TM2D1: variants seen among roughly 807,000 people sequenced by gnomAD.
The protein encoded by TM2D1 is TM2 domain containing 1.
In TM2D1, 15 loss-of-function variants were observed where a neutral mutation model predicts 28.4. The observed-to-expected ratio is 0.53, with a 90% CI of 0.35 to 0.81. The LOEUF is 0.81. TM2D1 is among the 40% of genes least tolerant of loss of function. TM2D1 has a pLI of 0.01. For synonymous variants in TM2D1, 93 were observed against 96.2 expected (o/e 0.97, Z 0.20); for missense variants, 236 against 254.9 (o/e 0.93, Z 0.50).
At chr1:61,701,310 C>CAAAAAAAAAAAAAAA (rs10587870) in intron 3 of TM2D1, among the ~76,000 whole-genome samples, 21 of 84,040 alleles carry the variant, frequency 2.5e-4, no homozygotes, top group East Asian at 4.2e-4. Context: ...TAAATGTTAA[C>CAAAAAAAAAAAAAAA]AAAAAAAAAA....
chr1:61,718,042 G>A (rs1028197088), intron 2 of TM2D1, among the ~76,000 whole-genome samples: 1 of 152,070 alleles, frequency 6.6e-6, no homozygotes, highest in South Asian at 2.1e-4. Context: ...AAAACGCCAG[G>A]TGTGGTGGCT....
rs79238013 is a variant in TM2D1 at position 61,717,587 on chromosome 1, T to C, written c.238+6126A>G. On this transcript the variant is annotated intron_variant, in intron 2 of 6. Coordinates refer to ENST00000606498, the MANE Select transcript of TM2D1 (RefSeq NM_032027.3). ...GGTTTTTTTTGTTTGACTGGTTTCT[T>C]TTTAGAGACAGGGTTTCACTCCGTT... 3.9e-3 allele frequency among the ~76,000 whole-genome samples: 596 copies of C among 152,128 alleles called. 2 individuals are homozygous for C. Among genetic ancestry groups the C allele is most frequent in the African/African-American group, 0.014 (568 of 41,504 alleles).
intron 3 of TM2D1, among the ~76,000 whole-genome samples, chr1:61,709,119 C>T (rs1327381261): frequency 6.6e-6 from 1 of 152,072 alleles, no homozygotes; most frequent in African/African-American, 2.4e-5. Context: ...GAGCCGTGAT[C>T]ATGCCACTGC....
At chr1:61,699,272 A>G (rs1644385719) in intron 4 of TM2D1, 1 of 152,208 alleles carries the variant, frequency 6.6e-6, no homozygotes, top group Non-Finnish European at 1.5e-5. Flanking sequence ...CCTTGAGCCC[A>G]GGAGGTCGAG....
rs930986492 is a variant in TM2D1 at position 61,713,832 on chromosome 1, GT to G, written c.239-4396del. On this transcript the variant is annotated intron_variant, in intron 2 of 6. Coordinates refer to ENST00000606498, the MANE Select transcript of TM2D1 (RefSeq NM_032027.3). ...ATACCTTGCCTAACAGAAATGCACT[GT>G]TTTTTTGAGATGACAGGTTTCTGTA... 9.0e-5 allele frequency among the ~76,000 whole-genome samples: 13 copies of G among 144,288 alleles called. No homozygotes were observed. In the East Asian group the frequency reaches 1.8e-3, roughly 20 times the overall value. 94.7% of individuals were successfully genotyped at this position (144,288 alleles called of 152,430 possible).
chr1:61,709,651 A>T (rs1644463621), intron 2 of TM2D1, among the ~76,000 whole-genome samples: 1 of 152,210 alleles, frequency 6.6e-6, no homozygotes, highest in Admixed American at 6.6e-5. Context: ...CAAAAATATA[A>T]GAGTTGCCAC....
intron 4 of TM2D1, chr1:61,699,254 G>A (rs1004735988): frequency 6.6e-6 from 1 of 152,068 alleles, no homozygotes; most frequent in Non-Finnish European, 1.5e-5. Flanking sequence ...AGCTGAGGAC[G>A]GAGCATACCT....
At chr1:61,710,993 T>A (rs1644474433) in intron 2 of TM2D1, among the ~76,000 whole-genome samples, 1 of 152,196 alleles carries the variant, frequency 6.6e-6, no homozygotes, top group African/African-American at 2.4e-5. Context: ...GTGGTGTTTA[T>A]AATAAAACGC....
intron 5 of TM2D1, among the ~76,000 whole-genome samples, chr1:61,691,830 G>A (rs139303816): frequency 0.033 from 4,894 of 149,302 alleles, 123 homozygotes; most frequent in South Asian, 0.11. Flanking sequence ...CAGGAGAAAC[G>A]CTTGAATCCA....
At chr1:61,721,510 C>A (rs12065105) in intron 2 of TM2D1, among the ~76,000 whole-genome samples, 6,061 of 147,380 alleles carry the variant, frequency 0.041, 424 homozygotes, top group African/African-American at 0.14. Flanking sequence ...CCACTGCACT[C>A]CAGCCTGAGC....
intron 2 of TM2D1, among the ~76,000 whole-genome samples, chr1:61,720,310 C>T (rs909160138): frequency 2.8e-4 from 43 of 151,806 alleles, no homozygotes; most frequent in African/African-American, 9.4e-4. Flanking sequence ...GGCGTGACCT[C>T]GGCTCACTGC....
intron 5 of TM2D1, chr1:61,683,832 C>CT: frequency 4.7e-6 from 1 of 214,172 alleles, no homozygotes; most frequent in Admixed American, 6.1e-5. Flanking sequence ...TGCTTGTCTT[C>CT]ATTCTGCAGA....
chr1:61,709,534 C>T (rs955021015), intron 2 of TM2D1, 97 bp from the exon 3 acceptor site: 8 of 804,332 alleles, frequency 9.9e-6, no homozygotes, highest in Non-Finnish European at 1.7e-5. Context: ...AACAAACTAC[C>T]TCCCAATATA....
chr1:61,717,202 CAAAA>C (rs58545051), intron 2 of TM2D1, among the ~76,000 whole-genome samples: 1 of 143,754 alleles, frequency 7.0e-6, no homozygotes, highest in Non-Finnish European at 1.5e-5. Context: ...CAAAACAAAA[CAAAA>C]AAAAAAAAAC....
At chr1:61,693,524 T>C (rs1644343104) in intron 5 of TM2D1, among the ~76,000 whole-genome samples, 2 of 152,214 alleles carry the variant, frequency 1.3e-5, no homozygotes, top group Non-Finnish European at 2.9e-5. Context: ...AGCCTCTTCA[T>C]GCCTGCTTGC....
chr1:61,685,686 T>C (rs571698692), intron 5 of TM2D1, among the ~76,000 whole-genome samples: 8 of 152,216 alleles, frequency 5.3e-5, no homozygotes, highest in Non-Finnish European at 1.2e-4. Context: ...ATTGACTTAC[T>C]TGTCAAAGAT....
intron 4 of TM2D1, chr1:61,697,415 G>C (rs928871786): frequency 4.6e-5 from 7 of 151,652 alleles, no homozygotes; most frequent in African/African-American, 1.2e-4. Context: ...GTGTTGCCCA[G>C]GTTGGTCTTG....
At chr1:61,708,991 T>A in intron 3 of TM2D1, among the ~76,000 whole-genome samples, 1 of 151,696 alleles carries the variant, frequency 6.6e-6, no homozygotes, top group Admixed American at 6.6e-5. Context: ...CATAGAGAGA[T>A]CTCATCTCTA....
intron 5 of TM2D1, chr1:61,694,419 T>G: frequency 4.1e-6 from 1 of 246,048 alleles, no homozygotes. Flanking sequence ...AGAAACTTCT[T>G]TAACTCAATT....
Sources: allele counts gnomAD v4.1 joint callset (sites outside exome capture counted in the v4.1 genomes callset), GRCh38; gene constraint gnomAD v4.1.1; transcripts MANE v1.5; gene names NCBI Gene and HGNC (gene_info 2026-07-23, HGNC 2026-07-21).